C6orf52: variants seen among roughly 807,000 people sequenced by gnomAD.
C6orf52 encodes putative uncharacterized protein C6orf52.
Under a neutral mutation model 16.6 loss-of-function variants are expected in C6orf52, and 16 were observed. The observed-to-expected ratio is 0.96, with a 90% confidence interval of 0.65 to 1.46. C6orf52 has a LOEUF of 1.46. C6orf52 is among the 40% of genes most tolerant of loss of function. The pLI, the probability that C6orf52 is intolerant of heterozygous loss-of-function variation, is 0.00. For missense variants in C6orf52, 166 were observed against 182.3 expected (o/e 0.91, Z 0.52); for synonymous variants, 53 against 61.4 (o/e 0.86, Z 0.64).
At chr6:10,684,648 C>T (rs1768702629) in intron 3 of C6orf52, among the ~76,000 whole-genome samples, 1 of 152,182 alleles carries the variant, frequency 6.6e-6, no homozygotes, top group African/African-American at 2.4e-5. Context: ...TGGAGACATC[C>T]ACCTCCACAA....
At chr6:10,686,413 G>C (rs2127468837) in intron 3 of C6orf52, among the ~76,000 whole-genome samples, 1 of 152,314 alleles carries the variant, frequency 6.6e-6, no homozygotes, top group East Asian at 1.9e-4. Flanking sequence ...GAATGGGGAA[G>C]GAGGAGGGGT....
In C6orf52 at chr6:10,671,733, T is replaced by G. The variant is rs9467165; in HGVS notation, c.317-135A>C. The G allele has an allele frequency of 6.0e-3, 3,174 of 526,992 alleles. 76 individuals are homozygous for G. The highest frequency in any genetic ancestry group is 0.053 in the African/African-American group (2,678 of 50,370). The allele number at this position is 526,992 out of a possible 1,614,324, so 32.6% of individuals were successfully genotyped here. A position where few individuals can be genotyped will look rare whatever the true frequency, so the allele number is the denominator to read the frequency against. ...ATAGTAAAGGTTAAAATTCTTAAAT[T>G]GCATATTTCCTTTCAATAAGACTTG... On this transcript the variant is annotated intron_variant, in intron 4 of 4. Transcript: ENST00000259983.
Position 10,687,175 on chromosome 6 carries a change from G to T in C6orf52, c.72-11C>A. The T allele has an allele frequency of 6.5e-7, 1 of 1,532,584 alleles. No homozygotes were observed. The highest frequency in any genetic ancestry group is 1.2e-5 in the South Asian group (1 of 82,644). The allele number at this position is 1,532,584 out of a possible 1,614,324, so 94.9% of individuals were successfully genotyped here. A position where few individuals can be genotyped will look rare whatever the true frequency, so the allele number is the denominator to read the frequency against. ...ATAGCAGAGGGGAGACTACAGGAAT[G>T]ACAATCATCACAACCAACGCAGAAT... On this transcript the variant is annotated splice_polypyrimidine_tract_variant and intron_variant, in intron 2 of 4. Coordinates refer to ENST00000259983, the MANE Select transcript of C6orf52 (RefSeq NM_001145020.3).
intron 3 of C6orf52, chr6:10,684,961 G>T (rs187931902): frequency 4.3e-6 from 5 of 1,158,620 alleles, no homozygotes; most frequent in Non-Finnish European, 5.6e-6. Context: ...TATAATTCTT[G>T]TATGAAAAAT....
intron 3 of C6orf52, 35 bp downstream of exon 3, chr6:10,686,931 A>C: frequency 7.0e-7 from 1 of 1,423,794 alleles, no homozygotes; most frequent in South Asian, 1.3e-5. Flanking sequence ...TATTGGGCAC[A>C]CGAATGACAC....
chr6:10,672,586 T>C, intron 4 of C6orf52: 1 of 701,962 alleles, frequency 1.4e-6, no homozygotes, highest in Non-Finnish European at 2.6e-6. Flanking sequence ...ACCAGTGAAT[T>C]GCTTAAATCT....
At chr6:10,688,094 GAGA>G (rs1430451810) in intron 1 of C6orf52, among the ~76,000 whole-genome samples, 1 of 151,680 alleles carries the variant, frequency 6.6e-6, no homozygotes, top group Non-Finnish European at 1.5e-5. Flanking sequence ...TTAAGAGGCA[GAGA>G]AGAACGCGCT....
intron 1 of C6orf52, among the ~76,000 whole-genome samples, chr6:10,694,106 C>A (rs1490057231): frequency 2.0e-5 from 3 of 151,818 alleles, no homozygotes; most frequent in African/African-American, 7.3e-5. Context: ...CTAAAAAATA[C>A]AAAATTAGCC....
chr6:10,680,810 CTT>C (rs1035224839), intron 4 of C6orf52, among the ~76,000 whole-genome samples: 1 of 151,930 alleles, frequency 6.6e-6, no homozygotes, highest in Non-Finnish European at 1.5e-5. Flanking sequence ...TGATGGGAGA[CTT>C]TTTTTTGAGA....
At position 10,671,654 on chromosome 6, in the gene C6orf52, G is replaced by A. The variant is rs1767435270; in HGVS notation, c.317-56C>T. Reference sequence around the variant, plus strand: ...ATAGAGTTTTACAGGACACATACTAGAAATAGTTTAAAATTAGAAAGCTTT... The same window carrying A: ...ATAGAGTTTTACAGGACACATACTAAAAATAGTTTAAAATTAGAAAGCTTT... On this transcript the variant is annotated intron_variant, in intron 4 of 4. Coordinates refer to ENST00000259983, the MANE Select transcript of C6orf52 (RefSeq NM_001145020.3). The A allele has an allele frequency of 6.8e-6, 8 of 1,174,066 alleles. No individual in the cohort carries two copies. The South Asian group carries it at 1.4e-4, about 20-fold the overall frequency. The allele number at this position is 1,174,066 out of a possible 1,614,324, so 72.7% of individuals were successfully genotyped here. A position where few individuals can be genotyped will look rare whatever the true frequency, so the allele number is the denominator to read the frequency against.
Position 10,686,976 on chromosome 6 carries a change from A to G in C6orf52, c.260T>C (p.Val87Ala). Residue 87 changes from valine (V) to alanine (A), a missense_variant, in exon 3 of 5, where the codon GTT becomes GCT. Transcript: ENST00000259983. ...ETPEHTAGTL[V>A]MPKETTPLAE... Reference sequence around the variant, plus strand: ...TCTAGCAAGGGATACCTTAGGCATAACCAGAGTTCCAGCTGTGTGTTCAGG... The same window carrying G: ...TCTAGCAAGGGATACCTTAGGCATAGCCAGAGTTCCAGCTGTGTGTTCAGG... 1 of 1,546,986 alleles carries G rather than the reference A, an allele frequency of 6.5e-7. No homozygotes were observed.
At chr6:10,677,103 G>A (rs1767967377) in intron 4 of C6orf52, among the ~76,000 whole-genome samples, 1 of 152,160 alleles carries the variant, frequency 6.6e-6, no homozygotes, top group South Asian at 2.1e-4. Flanking sequence ...GACCAATGTC[G>A]TGGAGCTTTT....
chr6:10,676,454 GA>G (rs1311044436), intron 4 of C6orf52, among the ~76,000 whole-genome samples: 4 of 152,212 alleles, frequency 2.6e-5, no homozygotes, highest in Non-Finnish European at 5.9e-5. Context: ...AAGCAAGCTA[GA>G]AGCTTGCACA....
intron 3 of C6orf52, chr6:10,684,883 G>C: frequency 7.8e-7 from 1 of 1,288,920 alleles, no homozygotes; most frequent in Non-Finnish European, 1.0e-6. Context: ...TCCCAACAGG[G>C]GACACCCAGC....
chr6:10,676,073 T>G (rs1054351404), intron 4 of C6orf52, among the ~76,000 whole-genome samples: 2 of 152,130 alleles, frequency 1.3e-5, no homozygotes, highest in Non-Finnish European at 2.9e-5. Flanking sequence ...GAGGCTGCAG[T>G]GAGCCGAAAT....
intron 1 of C6orf52, among the ~76,000 whole-genome samples, chr6:10,687,978 C>T (rs1399975952): frequency 6.6e-6 from 1 of 152,192 alleles, no homozygotes; most frequent in African/African-American, 2.4e-5. Context: ...AAATACATTT[C>T]TCTCCTCTGT....
At chr6:10,674,810 ATTTT>A (rs1187713282) in intron 4 of C6orf52, 2 of 139,030 alleles carry the variant, frequency 1.4e-5, no homozygotes, top group Non-Finnish European at 1.6e-5. Flanking sequence ...TATACAATAC[ATTTT>A]TTTTTTTTTT....
Position 10,671,572 on chromosome 6 carries a change from C to G in C6orf52, c.343G>C (p.Glu115Gln), listed in dbSNP as rs1767426142. 3.9e-6 allele frequency: 6 copies of G among 1,543,820 alleles called. No individual in the cohort carries two copies. In the East Asian group the frequency reaches 1.5e-4, roughly 38 times the overall value. The change falls in exon 5 of 5, where the codon GAA (glutamate) becomes CAA (glutamine). Residue 115 changes from glutamate (E) to glutamine (Q), a missense_variant. By Grantham distance (29) the Glu-to-Gln change is conservative. Transcript: ENST00000259983. ...EDPHLHLNIE[E>Q]SNQEFMVKSE... ...TTCACCATAAACTCTTGGTTTGATTCCTCAATATTCAAATGAAGATGTGGA... is the reference window on the plus strand; with the variant it reads ...TTCACCATAAACTCTTGGTTTGATTGCTCAATATTCAAATGAAGATGTGGA...
At chr6:10,685,945 G>T (rs9358772) in intron 3 of C6orf52, among the ~76,000 whole-genome samples, 1 of 152,072 alleles carries the variant, frequency 6.6e-6, no homozygotes, top group Admixed American at 6.6e-5. Context: ...TATTCTTGGG[G>T]AAAAAAGCAA....
Sources: gnomAD v4.1 joint callset for allele counts (sites outside exome capture counted in the v4.1 genomes callset) on GRCh38, gnomAD v4.1.1 for gene constraint, MANE v1.5 for transcripts, NCBI Gene and HGNC (gene_info 2026-07-23, HGNC 2026-07-21) for gene names.